NELL1: variants seen among roughly 807,000 people sequenced by gnomAD.
NELL1 encodes the protein neural EGFL like 1, also known as protein kinase C-binding protein NELL1.
In NELL1, 76 loss-of-function variants were observed where a neutral mutation model predicts 107.4. The ratio of observed to expected loss-of-function variants is 0.71; its 90% CI spans 0.59 to 0.86. The LOEUF is 0.86. NELL1 is among the 40% of genes least tolerant of loss of function. NELL1 has a pLI of 0.00. For missense variants in NELL1, 1,024 were observed against 1,005.5 expected (o/e 1.02, Z -0.25); for synonymous variants, 353 against 341.2 (o/e 1.03, Z -0.38).
chr11:20,916,504 T>G (rs1183746647), intron 5 of NELL1, among the ~76,000 whole-genome samples: 2 of 151,964 alleles, frequency 1.3e-5, no homozygotes. Flanking sequence ...ACACATGTGC[T>G]CCAGGATTCT....
At chr11:21,458,741 T>C (rs941342139) in intron 15 of NELL1, among the ~76,000 whole-genome samples, 3 of 152,152 alleles carry the variant, frequency 2.0e-5, no homozygotes, top group Admixed American at 6.6e-5. Flanking sequence ...ACTTAAGGGT[T>C]CTAGATAACT....
intron 2 of NELL1, among the ~76,000 whole-genome samples, chr11:20,696,617 A>T (rs1035704783): frequency 1.3e-5 from 2 of 152,134 alleles, no homozygotes; most frequent in Admixed American, 6.6e-5. Context: ...TATAGGTTGT[A>T]AGGAGTGGAC....
At chr11:20,720,508 C>G (rs1855356064) in intron 2 of NELL1, among the ~76,000 whole-genome samples, 2 of 152,056 alleles carry the variant, frequency 1.3e-5, no homozygotes, top group South Asian at 4.1e-4. Context: ...TGCCCAGCCT[C>G]TTTTCTGTTC....
At chr11:21,238,643 C>A (rs1164266679) in intron 14 of NELL1, among the ~76,000 whole-genome samples, 1 of 151,916 alleles carries the variant, frequency 6.6e-6, no homozygotes, top group South Asian at 2.1e-4. Flanking sequence ...AAGTATTCAC[C>A]CTCTTTTTCT....
chr11:21,289,983 CAG>C (rs1849213616), intron 14 of NELL1, among the ~76,000 whole-genome samples: 1 of 152,194 alleles, frequency 6.6e-6, no homozygotes, highest in Non-Finnish European at 1.5e-5. Context: ...AGAAAGGAAG[CAG>C]CCCCAGTCAG....
chr11:20,734,872 C>T (rs1047410331), intron 2 of NELL1, among the ~76,000 whole-genome samples: 4 of 152,018 alleles, frequency 2.6e-5, no homozygotes, highest in African/African-American at 9.7e-5. Context: ...AGCAGTGGCC[C>T]CTGGGGATTT....
rs879207610 is a variant in NELL1, at chr11:20,678,160, C to A, written c.184+100C>A. ...TGTGTTTGTCTGGAGATCGCCTTTGCTATTTCTCTTGTGTTGCTGTCTTGA... is the reference window on the plus strand; with the variant it reads ...TGTGTTTGTCTGGAGATCGCCTTTGATATTTCTCTTGTGTTGCTGTCTTGA... On this transcript the variant is annotated intron_variant, in intron 2 of 19. Coordinates refer to ENST00000357134, the MANE Select transcript of NELL1 (RefSeq NM_006157.5). 13 of 1,375,266 alleles carry A rather than the reference C, an allele frequency of 9.5e-6. No individual in the cohort carries two copies. In the Admixed American group the frequency reaches 2.0e-4, roughly 22 times the overall value. 85.2% of individuals were successfully genotyped at this position (1,375,266 alleles called of 1,614,324 possible). A position where few individuals can be genotyped will look rare whatever the true frequency, so the allele number is the denominator to read the frequency against.
chr11:20,942,599 A>G (rs1200718948), intron 10 of NELL1, among the ~76,000 whole-genome samples: 1 of 152,190 alleles, frequency 6.6e-6, no homozygotes, highest in Non-Finnish European at 1.5e-5. Flanking sequence ...AGTGCTTACC[A>G]CAAAGACCAT....
chr11:20,714,454 C>T (rs550642885), intron 2 of NELL1, among the ~76,000 whole-genome samples: 5 of 151,946 alleles, frequency 3.3e-5, no homozygotes, highest in East Asian at 1.9e-4. Flanking sequence ...GTGACCTGCC[C>T]GCCTCAGCCT....
chr11:21,396,342 T>C (rs1271427126), intron 15 of NELL1, among the ~76,000 whole-genome samples: 2 of 151,510 alleles, frequency 1.3e-5, no homozygotes, highest in African/African-American at 4.8e-5. Context: ...CTCAGGAAAC[T>C]CGTGGCAAAA....
At chr11:20,715,741 G>C (rs1793008) in intron 2 of NELL1, among the ~76,000 whole-genome samples, 146,910 of 152,300 alleles carry the variant, frequency 0.96, 71,064 homozygotes, top group Middle Eastern at 1. Context: ...CTCAGAGGAG[G>C]CTGCTGAATA....
intron 2 of NELL1, among the ~76,000 whole-genome samples, chr11:20,696,995 G>T (rs1436625332): frequency 6.6e-6 from 1 of 152,082 alleles, no homozygotes; most frequent in African/African-American, 2.4e-5. Context: ...TCAATGATTG[G>T]TTTAAGAGTA....
At chr11:21,313,005 G>T (rs1849783037) in intron 14 of NELL1, among the ~76,000 whole-genome samples, 1 of 151,680 alleles carries the variant, frequency 6.6e-6, no homozygotes, top group African/African-American at 2.4e-5. Flanking sequence ...GAACCTGAGA[G>T]GAAGAGATTG....
At chr11:20,957,604 T>C (rs1412105771) in intron 11 of NELL1, among the ~76,000 whole-genome samples, 1 of 152,134 alleles carries the variant, frequency 6.6e-6, no homozygotes, top group Non-Finnish European at 1.5e-5. Context: ...GATATTAGAA[T>C]TATCAATATA....
At chr11:20,983,938 C>T (rs1282139694) in intron 12 of NELL1, among the ~76,000 whole-genome samples, 2 of 152,162 alleles carry the variant, frequency 1.3e-5, no homozygotes, top group Non-Finnish European at 2.9e-5. Context: ...GCCTCTTTGT[C>T]TCCATTCACA....
intron 13 of NELL1, among the ~76,000 whole-genome samples, chr11:21,196,767 C>G (rs1191368918): frequency 1.3e-5 from 2 of 152,060 alleles, no homozygotes; most frequent in Non-Finnish European, 2.9e-5. Flanking sequence ...TTCATTTGTT[C>G]ACCATTTTGT....
chr11:21,451,547 T>C (rs1028795687), intron 15 of NELL1, among the ~76,000 whole-genome samples: 2 of 152,176 alleles, frequency 1.3e-5, no homozygotes, highest in African/African-American at 4.8e-5. Flanking sequence ...AAATAATTAA[T>C]TTCATAATTT....
At chr11:20,766,576 G>A (rs774779261) in intron 2 of NELL1, among the ~76,000 whole-genome samples, 1 of 152,180 alleles carries the variant, frequency 6.6e-6, no homozygotes, top group Non-Finnish European at 1.5e-5. Flanking sequence ...GACAGGGCAA[G>A]GTTGAGAGAG....
chr11:20,915,718 T>TATATATATATATATATA (rs375263928), intron 5 of NELL1, among the ~76,000 whole-genome samples: 1,607 of 48,498 alleles, frequency 0.033, 19 homozygotes, highest in South Asian at 0.041. Context: ...TATATATATA[T>TATATATATATATATATA]TTTTTTTTTT....
Sources: allele counts gnomAD v4.1 joint callset (sites outside exome capture counted in the v4.1 genomes callset), GRCh38; gene constraint gnomAD v4.1.1; transcripts MANE v1.5; gene names NCBI Gene and HGNC (gene_info 2026-07-23, HGNC 2026-07-21).